GPM6A: variants seen among roughly 807,000 people sequenced by gnomAD.
The protein encoded by GPM6A is neuronal membrane glycoprotein M6-a.
A neutral mutation model predicts 32.1 loss-of-function variants in GPM6A; 7 were observed. The ratio of observed to expected loss-of-function variants is 0.22; its 90% CI spans 0.12 to 0.41. GPM6A has a LOEUF of 0.41. Among genes scored for constraint, GPM6A ranks in the 10% least tolerant of loss-of-function variants. The pLI, the probability that GPM6A is intolerant of heterozygous loss-of-function variation, is 1.00. For synonymous variants in GPM6A, 130 were observed against 123.4 expected (o/e 1.05, Z -0.35); for missense variants, 235 against 347.2 (o/e 0.68, Z 2.57).
At chr4:175,729,060 C>A (rs1731304130) in intron 1 of GPM6A, among the ~76,000 whole-genome samples, 1 of 152,102 alleles carries the variant, frequency 6.6e-6, no homozygotes, top group Non-Finnish European at 1.5e-5. Context: ...TACTGGTTTC[C>A]TTATTTCCCC....
At chr4:175,667,851 A>G (rs1172034727) in intron 3 of GPM6A, among the ~76,000 whole-genome samples, 1 of 152,178 alleles carries the variant, frequency 6.6e-6, no homozygotes, top group East Asian at 1.9e-4. Context: ...TCATGACTTG[A>G]ATAATCTAAA....
intron 1 of GPM6A, among the ~76,000 whole-genome samples, chr4:175,898,016 A>T (rs575090063): frequency 1.3e-5 from 2 of 152,330 alleles, no homozygotes; most frequent in South Asian, 4.1e-4. Flanking sequence ...GACAGGCAAG[A>T]TAACAATACC....
intron 2 of GPM6A, among the ~76,000 whole-genome samples, chr4:175,684,914 A>G (rs1743892148): frequency 6.6e-6 from 1 of 151,442 alleles, no homozygotes; most frequent in South Asian, 2.1e-4. Flanking sequence ...TTTGAGACGG[A>G]GTCTCGCTCT....
intron 1 of GPM6A, among the ~76,000 whole-genome samples, chr4:175,768,823 C>T (rs572163705): frequency 2.2e-4 from 34 of 152,168 alleles, no homozygotes; most frequent in African/African-American, 7.0e-4. Context: ...TGGCCGGGTA[C>T]GGTGGCTCAC....
intron 1 of GPM6A, among the ~76,000 whole-genome samples, chr4:175,886,837 T>C (rs779165011): frequency 6.6e-5 from 10 of 151,870 alleles, no homozygotes; most frequent in Admixed American, 2.0e-4. Flanking sequence ...AACTTGCTTC[T>C]AATTGAATTT....
At chr4:175,870,964 G>A (rs1736887965) in intron 1 of GPM6A, among the ~76,000 whole-genome samples, 1 of 152,014 alleles carries the variant, frequency 6.6e-6, no homozygotes, top group Non-Finnish European at 1.5e-5. Flanking sequence ...ATAAATGTGA[G>A]TACCTATTAT....
chr4:175,842,436 T>C (rs1392885723), intron 1 of GPM6A, among the ~76,000 whole-genome samples: 2 of 152,020 alleles, frequency 1.3e-5, no homozygotes, highest in African/African-American at 2.4e-5. Flanking sequence ...TAAGTGGCCA[T>C]AGGAAAAATA....
chr4:175,637,381 A>G (rs796537234), intron 6 of GPM6A, among the ~76,000 whole-genome samples: 5 of 81,886 alleles, frequency 6.1e-5, no homozygotes, highest in Non-Finnish European at 1.1e-4. Flanking sequence ...AATATATTAT[A>G]TAATATATAA....
chr4:175,635,194 G>T, intron 6 of GPM6A, 137 bp from the exon 7 acceptor site: 1 of 658,208 alleles, frequency 1.5e-6, no homozygotes, highest in South Asian at 1.8e-5. Flanking sequence ...AAATTTCTTT[G>T]GTAACAGAAA....
At chr4:175,844,358 G>C (rs1736026879) in intron 1 of GPM6A, among the ~76,000 whole-genome samples, 1 of 152,070 alleles carries the variant, frequency 6.6e-6, no homozygotes. Context: ...AATTCCTTCT[G>C]CCACAAGACT....
chr4:175,965,383 GA>G (rs540476797), intron 1 of GPM6A, among the ~76,000 whole-genome samples: 1 of 149,632 alleles, frequency 6.7e-6, no homozygotes, highest in Non-Finnish European at 1.5e-5. Context: ...AAGAAAACTA[GA>G]AAAAAAAGAG....
At chr4:175,649,543 A>G (rs1196393629) in intron 4 of GPM6A, among the ~76,000 whole-genome samples, 3 of 152,164 alleles carry the variant, frequency 2.0e-5, no homozygotes, top group Admixed American at 2.0e-4. Context: ...ATAATCACCT[A>G]CTTAACTATT....
chr4:175,733,704 C>G (rs1309082802), intron 1 of GPM6A, among the ~76,000 whole-genome samples: 1 of 152,066 alleles, frequency 6.6e-6, no homozygotes, highest in East Asian at 1.9e-4. Context: ...CTCATTCATT[C>G]TATCTCTGAG....
intron 1 of GPM6A, among the ~76,000 whole-genome samples, chr4:175,737,551 T>C (rs1731713322): frequency 6.6e-6 from 1 of 152,236 alleles, no homozygotes; most frequent in South Asian, 2.1e-4. Context: ...AGCTCTTTTA[T>C]GCCTTTGAGA....
At chr4:175,702,194 T>C (rs1367802681) in intron 1 of GPM6A, among the ~76,000 whole-genome samples, 1 of 152,232 alleles carries the variant, frequency 6.6e-6, no homozygotes, top group Non-Finnish European at 1.5e-5. Context: ...GATATTTTTA[T>C]TGATGTGTCA....
At chr4:175,779,418 G>C (rs17659305) in intron 1 of GPM6A, among the ~76,000 whole-genome samples, 11,475 of 152,230 alleles carry the variant, frequency 0.075, 487 homozygotes, top group Non-Finnish European at 0.092. Flanking sequence ...TTTCACAGAA[G>C]AACTTAGGCT....
intron 1 of GPM6A, among the ~76,000 whole-genome samples, chr4:175,933,462 T>C (rs1739118416): frequency 6.6e-6 from 1 of 152,202 alleles, no homozygotes. Flanking sequence ...AACATAGACT[T>C]ACCATATGAT....
intron 1 of GPM6A, among the ~76,000 whole-genome samples, chr4:175,997,820 CT>C (rs1217052740): frequency 6.6e-6 from 1 of 152,204 alleles, no homozygotes; most frequent in African/African-American, 2.4e-5. Context: ...ATATTTTTCT[CT>C]TGTCAAAATG....
chr4:175,947,358 T>C (rs1035866915), intron 1 of GPM6A, among the ~76,000 whole-genome samples: 1 of 152,088 alleles, frequency 6.6e-6, no homozygotes, highest in Non-Finnish European at 1.5e-5. Context: ...TTAAAGACAC[T>C]ATCTTAATAA....
Sources: allele counts gnomAD v4.1 joint callset (sites outside exome capture counted in the v4.1 genomes callset), GRCh38; gene constraint gnomAD v4.1.1; transcripts MANE v1.5; gene names NCBI Gene and HGNC (gene_info 2026-07-23, HGNC 2026-07-21).